Variants in SLC1A6 observed in about 807,000 individuals in gnomAD.
SLC1A6 encodes solute carrier family 1 member 6.
A neutral mutation model predicts 42.1 loss-of-function variants in SLC1A6; 15 were observed. The ratio of observed to expected loss-of-function variants is 0.36; its 90% CI spans 0.24 to 0.55. The LOEUF is 0.55. SLC1A6 is among the 20% of genes least tolerant of loss of function. The pLI is 0.88. For missense variants in SLC1A6, 542 were observed against 772.5 expected (o/e 0.70, Z 3.54); for synonymous variants, 317 against 319.7 (o/e 0.99, Z 0.09).
chr19:15,005,855 G>C (rs1033269371), intron 1 of SLC1A6, among the ~76,000 whole-genome samples: 1 of 152,224 alleles, frequency 6.6e-6, no homozygotes, highest in Non-Finnish European at 1.5e-5. Flanking sequence ...TGCAGATCTG[G>C]CATGAGGAAG....
At chr19:15,010,480 C>T (rs942640623) in intron 1 of SLC1A6, 3 of 526,746 alleles carry the variant, frequency 5.7e-6, no homozygotes, top group Middle Eastern at 5.8e-4. Context: ...TTCTTCCATG[C>T]TTACCGACAT....
At chr19:14,965,236 G>A (rs918349739) in intron 4 of SLC1A6, among the ~76,000 whole-genome samples, 4 of 151,872 alleles carry the variant, frequency 2.6e-5, no homozygotes, top group Non-Finnish European at 4.4e-5. Context: ...AGGCAGGATG[G>A]TCTCAATCTC....
At chr19:15,002,224 A>G (rs2045875446) in intron 1 of SLC1A6, among the ~76,000 whole-genome samples, 3 of 152,022 alleles carry the variant, frequency 2.0e-5, no homozygotes, top group African/African-American at 7.2e-5. Flanking sequence ...TGAGTAGCTC[A>G]GATTCCAGAT....
chr19:15,005,794 T>C (rs2045893460), intron 1 of SLC1A6, among the ~76,000 whole-genome samples: 1 of 152,242 alleles, frequency 6.6e-6, no homozygotes, highest in Admixed American at 6.5e-5. Flanking sequence ...ACAGCCTGCA[T>C]AGCCCTAATG....
chr19:14,956,740 C>G (rs1287133966), intron 6 of SLC1A6, 31 bp from the exon 7 acceptor site: 1 of 1,477,620 alleles, frequency 6.8e-7, no homozygotes, highest in African/African-American at 1.4e-5. Context: ...CCTGTCAGGG[C>G]TCCCTCCTGA....
intron 4 of SLC1A6, 68 bp downstream of exon 4, chr19:14,968,235 T>C: frequency 7.6e-7 from 1 of 1,311,426 alleles, no homozygotes; most frequent in Non-Finnish European, 1.1e-6. Flanking sequence ...TTGCAGGCTA[T>C]AATCTTTTAC....
chr19:15,006,019 A>C (rs763024443), intron 1 of SLC1A6, among the ~76,000 whole-genome samples: 2 of 152,246 alleles, frequency 1.3e-5, no homozygotes, highest in South Asian at 4.1e-4. Context: ...TGTGCAGGTC[A>C]TCTCACATGA....
intron 1 of SLC1A6, among the ~76,000 whole-genome samples, chr19:14,976,449 ATAAAG>A (rs1376256246): frequency 6.6e-6 from 1 of 152,244 alleles, no homozygotes; most frequent in Non-Finnish European, 1.5e-5. Flanking sequence ...ATCAGCCATA[ATAAAG>A]TGTCTTTTAC....
intron 3 of SLC1A6, among the ~76,000 whole-genome samples, chr19:14,970,377 T>C (rs1265161601): frequency 6.6e-6 from 1 of 152,156 alleles, no homozygotes; most frequent in Non-Finnish European, 1.5e-5. Flanking sequence ...GGCCTGATTT[T>C]CTTAATAACA....
At chr19:15,001,432 G>C (rs776161102) in intron 1 of SLC1A6, among the ~76,000 whole-genome samples, 2 of 152,094 alleles carry the variant, frequency 1.3e-5, no homozygotes, top group Non-Finnish European at 2.9e-5. Context: ...TTTCAGAGAG[G>C]GGAAAAACAA....
At chr19:14,959,093 G>A (rs1403615712) in intron 6 of SLC1A6, among the ~76,000 whole-genome samples, 4 of 152,068 alleles carry the variant, frequency 2.6e-5, no homozygotes, top group Non-Finnish European at 4.4e-5. Context: ...TGTTAGACAC[G>A]CTCACAGGCA....
chr19:14,991,681 A>G (rs1039489745), intron 1 of SLC1A6, among the ~76,000 whole-genome samples: 1 of 152,160 alleles, frequency 6.6e-6, no homozygotes, highest in Admixed American at 6.5e-5. Flanking sequence ...AAACAAAAGT[A>G]AAGGAGTACC....
intron 4 of SLC1A6, 56 bp from the exon 5 acceptor site, chr19:14,964,417 G>A (rs2045550721): frequency 1.2e-5 from 17 of 1,393,908 alleles, no homozygotes; most frequent in Non-Finnish European, 1.7e-5. Context: ...GGCATCTAGG[G>A]TGATAACAGT....
intron 1 of SLC1A6, among the ~76,000 whole-genome samples, chr19:14,991,517 G>A (rs2045819857): frequency 6.6e-6 from 1 of 151,870 alleles, no homozygotes; most frequent in Non-Finnish European, 1.5e-5. Flanking sequence ...CAGCTACTCA[G>A]GAGGCTGAGG....
At chr19:14,990,243 C>G (rs2045812937) in intron 1 of SLC1A6, among the ~76,000 whole-genome samples, 2 of 151,872 alleles carry the variant, frequency 1.3e-5, no homozygotes, top group South Asian at 4.2e-4. Flanking sequence ...AAAATCCTGT[C>G]ATTTATGACA....
intron 6 of SLC1A6, among the ~76,000 whole-genome samples, chr19:14,957,455 C>T (rs1009930437): frequency 4.6e-5 from 7 of 152,030 alleles, no homozygotes; most frequent in African/African-American, 1.7e-4. Flanking sequence ...GAATTAGTGC[C>T]CATATAAAAG....
intron 9 of SLC1A6, among the ~76,000 whole-genome samples, chr19:14,951,078 C>CAAAAAAAAAAAAAA (rs59828742): frequency 1.3e-5 from 1 of 79,772 alleles, no homozygotes; most frequent in Non-Finnish European, 2.3e-5. Context: ...ACTAAAAATA[C>CAAAAAAAAAAAAAA]AAAAAAAAAA....
intron 1 of SLC1A6, among the ~76,000 whole-genome samples, chr19:15,007,924 C>T (rs897426412): frequency 9.9e-5 from 15 of 151,874 alleles, no homozygotes; most frequent in African/African-American, 3.6e-4. Context: ...ACCCGGGAGG[C>T]TGAGGCAGAA....
At chr19:15,001,908 G>A (rs554673271) in intron 1 of SLC1A6, among the ~76,000 whole-genome samples, 22 of 151,998 alleles carry the variant, frequency 1.4e-4, no homozygotes, top group Admixed American at 3.9e-4. Flanking sequence ...CAATTCATCC[G>A]CCTCAGTCTC....
Sources: allele counts gnomAD v4.1 joint callset (sites outside exome capture counted in the v4.1 genomes callset), GRCh38; gene constraint gnomAD v4.1.1; transcripts MANE v1.5; gene names NCBI Gene and HGNC (gene_info 2026-07-23, HGNC 2026-07-21).